Variants in COMMD1 observed in about 807,000 individuals in gnomAD.
COMMD1 encodes copper metabolism domain containing 1, also known as COMM domain-containing protein 1.
A neutral mutation model predicts 17.2 loss-of-function variants in COMMD1; 10 were observed. The observed-to-expected ratio is 0.58, with a 90% CI of 0.36 to 0.99. The LOEUF (loss-of-function observed/expected upper bound fraction) is 0.99. Among genes scored for constraint, COMMD1 ranks in the 50% least tolerant of loss-of-function variants. The pLI is 0.01. For synonymous variants in COMMD1, 97 were observed against 91.6 expected (o/e 1.06, Z -0.34); for missense variants, 270 against 231.8 (o/e 1.17, Z -1.07).
chr2:62,013,574 C>T (rs1196799246), intron 2 of COMMD1, among the ~76,000 whole-genome samples: 3 of 152,168 alleles, frequency 2.0e-5, no homozygotes, highest in Admixed American at 6.5e-5. Flanking sequence ...TTACTGGGCT[C>T]TCACAGTGGT....
intron 1 of COMMD1, among the ~76,000 whole-genome samples, chr2:61,946,076 G>A (rs1670897346): frequency 6.6e-6 from 1 of 152,124 alleles, no homozygotes; most frequent in Non-Finnish European, 1.5e-5. Context: ...AGGAAGGAGT[G>A]TATTCAGATG....
intron 1 of COMMD1, among the ~76,000 whole-genome samples, chr2:61,994,907 C>A (rs1479508891): frequency 6.6e-6 from 1 of 152,078 alleles, no homozygotes; most frequent in Non-Finnish European, 1.5e-5. Flanking sequence ...TGTGATCTGT[C>A]TGGTTTGGAG....
chr2:61,933,272 G>C (rs1670517223), intron 1 of COMMD1, among the ~76,000 whole-genome samples: 1 of 151,830 alleles, frequency 6.6e-6, no homozygotes, highest in Non-Finnish European at 1.5e-5. Context: ...TCAGCTGCTT[G>C]TATCCCCATT....
chr2:62,019,612 G>T (rs1268663887), intron 2 of COMMD1, among the ~76,000 whole-genome samples: 1 of 152,132 alleles, frequency 6.6e-6, no homozygotes, highest in Admixed American at 6.5e-5. Flanking sequence ...TTTGGGGGAC[G>T]CATTCAGACC....
At chr2:62,131,552 T>G (rs1207864789) in intron 2 of COMMD1, among the ~76,000 whole-genome samples, 2 of 152,036 alleles carry the variant, frequency 1.3e-5, no homozygotes, top group Non-Finnish European at 2.9e-5. Flanking sequence ...CCCTTTCCCT[T>G]CTTTTCTTGA....
At chr2:61,996,529 T>G (rs545787271) in intron 1 of COMMD1, among the ~76,000 whole-genome samples, 68 of 152,336 alleles carry the variant, frequency 4.5e-4, no homozygotes, top group African/African-American at 1.5e-3. Context: ...TGATGCTGTT[T>G]GATAGCATTT....
chr2:62,049,198 C>T (rs1321895468), intron 2 of COMMD1, among the ~76,000 whole-genome samples: 1 of 129,468 alleles, frequency 7.7e-6, no homozygotes, highest in Admixed American at 7.7e-5. Flanking sequence ...ATATAATTAC[C>T]AGGAAAAAAA....
At chr2:61,920,975 A>ATGTGTG (rs1399921970) in intron 1 of COMMD1, among the ~76,000 whole-genome samples, 1 of 135,344 alleles carries the variant, frequency 7.4e-6, no homozygotes, top group African/African-American at 2.9e-5. Context: ...GTATATATAT[A>ATGTGTG]TATATATTTT....
intron 1 of COMMD1, among the ~76,000 whole-genome samples, chr2:61,966,539 T>G (rs1250221290): frequency 1.3e-5 from 2 of 152,130 alleles, no homozygotes; most frequent in African/African-American, 2.4e-5. Context: ...TCACTTCTAT[T>G]TTTAGCTGTG....
chr2:62,041,542 C>T (rs987102311), intron 2 of COMMD1, among the ~76,000 whole-genome samples: 1 of 152,032 alleles, frequency 6.6e-6, no homozygotes, highest in Non-Finnish European at 1.5e-5. Flanking sequence ...AGTAGCTGGG[C>T]AAACTTGGCC....
intron 2 of COMMD1, among the ~76,000 whole-genome samples, chr2:62,043,405 A>G (rs1382820772): frequency 6.6e-6 from 1 of 152,142 alleles, no homozygotes; most frequent in East Asian, 1.9e-4. Context: ...TCAGTCTCAT[A>G]AGGAAGAAGG....
intron 1 of COMMD1, among the ~76,000 whole-genome samples, chr2:61,968,173 GAAAAC>G (rs1429307058): frequency 6.6e-6 from 1 of 150,518 alleles, no homozygotes; most frequent in East Asian, 2.0e-4. Context: ...AAAAAAAAAA[GAAAAC>G]AAAAGCCGCT....
intron 2 of COMMD1, among the ~76,000 whole-genome samples, chr2:62,036,153 T>C (rs1670034583): frequency 6.6e-6 from 1 of 152,112 alleles, no homozygotes; most frequent in African/African-American, 2.4e-5. Context: ...ACAACAATGC[T>C]AAATTAATAT....
rs1670686173 is a variant in COMMD1 at position 61,939,492 on chromosome 2, T to C, written c.180+33634T>C. Reference sequence around the variant, plus strand: ...GAAAAAAAAGAAAAAAAAAAAAGAATTGATTGGCTATGTAGGCTCCTTTCA... The same window carrying C: ...GAAAAAAAAGAAAAAAAAAAAAGAACTGATTGGCTATGTAGGCTCCTTTCA... On this transcript the variant is annotated intron_variant, in intron 1 of 2. Transcript: ENST00000311832. 2.0e-5 allele frequency among the ~76,000 whole-genome samples: 3 copies of C among 151,554 alleles called. No individual in the cohort carries two copies. In the South Asian group the frequency reaches 6.3e-4, roughly 32 times the overall value.
In COMMD1 at chr2:62,027,936, A is replaced by T. The variant is rs529139349; in HGVS notation, c.462+26954A>T. Among the ~76,000 whole-genome samples the T allele has an allele frequency of 5.9e-5, 9 of 152,272 alleles. No homozygotes were observed. In the East Asian group the frequency reaches 1.7e-3, roughly 29 times the overall value. On this transcript the variant is annotated intron_variant, in intron 2 of 2. Coordinates refer to ENST00000311832, the MANE Select transcript of COMMD1 (RefSeq NM_152516.4). ...CCAAAGTGCTGGAATTACAGCCATA[A>T]GCCACCGTGCCTGGCCTTCTATGCC...
intron 2 of COMMD1, among the ~76,000 whole-genome samples, chr2:62,064,154 A>G (rs551477764): frequency 5.9e-5 from 9 of 151,774 alleles, no homozygotes; most frequent in Non-Finnish European, 1.2e-4. Context: ...CACACATAGT[A>G]GATTTTTTAT....
At chr2:61,896,915 C>T (rs759535634) in intron 1 of COMMD1, among the ~76,000 whole-genome samples, 13 of 151,300 alleles carry the variant, frequency 8.6e-5, no homozygotes, top group African/African-American at 2.4e-4. Context: ...CTGCAACCTC[C>T]GCCTCCCAGG....
Position 61,983,284 on chromosome 2 carries a change from G to T in COMMD1, c.181-17417G>T, listed in dbSNP as rs1268819745. 8.6e-5 allele frequency among the ~76,000 whole-genome samples: 13 copies of T among 151,538 alleles called. 1 individual carries two copies. The highest frequency in any genetic ancestry group is 8.6e-4 in the Admixed American group (13 of 15,180). On this transcript the variant is annotated intron_variant, in intron 1 of 2. Transcript: ENST00000311832. ...GGCTTACTGCAACCTCCGCATCCTG[G>T]GTTCAAGTGATTCTCCTGCCTCAGC...
chr2:62,132,746 G>A (rs1673079182), intron 2 of COMMD1, among the ~76,000 whole-genome samples: 1 of 152,120 alleles, frequency 6.6e-6, no homozygotes, highest in South Asian at 2.1e-4. Context: ...CCACTCAGGA[G>A]GCTGAGGCAG....
Sources: gnomAD v4.1 joint callset for allele counts (sites outside exome capture counted in the v4.1 genomes callset) on GRCh38, gnomAD v4.1.1 for gene constraint, MANE v1.5 for transcripts, NCBI Gene and HGNC (gene_info 2026-07-23, HGNC 2026-07-21) for gene names.